Variants in MYOF observed in about 807,000 individuals in gnomAD.
MYOF encodes fer-1-like 3, myoferlin.
MYOF carries 244 observed loss-of-function variants against 284.2 expected under a neutral mutation model. That is an observed-to-expected ratio of 0.86 (90% confidence interval 0.77 to 0.95). The LOEUF is 0.95. Among genes scored for constraint, MYOF ranks in the 40% least tolerant of loss-of-function variants. The probability of loss-of-function intolerance (pLI) is 0.00; values close to 1 mark genes in which losing one functional copy is unlikely to be tolerated. For synonymous variants in MYOF, 904 were observed against 919.7 expected (o/e 0.98, Z 0.31); for missense variants, 2,496 against 2,560.6 (o/e 0.97, Z 0.54).
intron 16 of MYOF, among the ~76,000 whole-genome samples, chr10:93,394,370 G>A (rs1234977027): frequency 6.6e-6 from 1 of 151,070 alleles, no homozygotes; most frequent in Non-Finnish European, 1.5e-5. Flanking sequence ...CCAAAGTGCT[G>A]GGATTACAGG....
intron 1 of MYOF, among the ~76,000 whole-genome samples, chr10:93,458,973 G>A (rs757151264): frequency 1.4e-4 from 21 of 152,338 alleles, no homozygotes; most frequent in African/African-American, 2.6e-4. Flanking sequence ...TAGCAAGGCC[G>A]TGAGTCATGG....
At chr10:93,311,493 C>A (rs972030707) in intron 51 of MYOF, among the ~76,000 whole-genome samples, 2 of 150,446 alleles carry the variant, frequency 1.3e-5, no homozygotes, top group South Asian at 2.1e-4. Context: ...TGGTGGCGTG[C>A]GCCTGTAGTC....
At position 93,374,897 on chromosome 10, in the gene MYOF, G is replaced by A. The variant is rs780482700; in HGVS notation, c.2167C>T (p.Arg723Ter). ...GAGAGAGACCTGGACCGCAGCTTTC[G>A]GATCTGAGTATCGAGAACTGTGACG... The part of the protein sequence containing the change: ...ANVTVLDTQI[R>*]KLRSRSLSQI... The change falls in exon 23 of 54, where the codon CGA becomes TGA. Residue 723 changes from arginine to a stop codon, truncating the protein, a stop_gained. Coordinates refer to ENST00000359263, the MANE Select transcript of MYOF (RefSeq NM_013451.4). LOFTEE classifies it high-confidence loss of function. The A allele has an allele frequency of 4.3e-6, 7 of 1,613,982 alleles. No individual in the cohort carries two copies. The highest frequency in any genetic ancestry group is 4.5e-5 in the East Asian group (2 of 44,900).
At chr10:93,358,047 C>G (rs540490235) in intron 29 of MYOF, among the ~76,000 whole-genome samples, 1 of 152,278 alleles carries the variant, frequency 6.6e-6, no homozygotes, top group Admixed American at 6.5e-5. Flanking sequence ...TTTTTGCAAT[C>G]TATCCATCTG....
At chr10:93,348,792 A>C (rs982887472) in intron 36 of MYOF, among the ~76,000 whole-genome samples, 2 of 152,168 alleles carry the variant, frequency 1.3e-5, no homozygotes, top group African/African-American at 4.8e-5. Flanking sequence ...CAAGGTGGGC[A>C]TAAGAGAGGT....
chr10:93,351,718 C>CT lies in MYOF; in HGVS notation c.3609dup (p.Val1204SerfsTer14). On this transcript the variant is annotated frameshift_variant, in exon 33 of 54. Transcript: ENST00000359263. LOFTEE classifies it high-confidence loss of function. ...ATAACTTTGGGTGGATTCTGTAGAA[C>CT]TGTTTGGGGTTCCCCATAGATTTCA... 6.3e-7 allele frequency: 1 copy of CT among 1,599,576 alleles called. No individual in the cohort carries two copies. Among genetic ancestry groups the CT allele is most frequent in the Non-Finnish European group, 8.5e-7 (1 of 1,175,818 alleles).
chr10:93,382,894 A>T (rs1005743147), intron 19 of MYOF, among the ~76,000 whole-genome samples: 5 of 152,096 alleles, frequency 3.3e-5, no homozygotes, highest in African/African-American at 1.2e-4. Context: ...CCAGAAGTGG[A>T]ATTTTTAATT....
At chr10:93,357,262 GC>G (rs541846537) in intron 29 of MYOF, among the ~76,000 whole-genome samples, 3 of 152,150 alleles carry the variant, frequency 2.0e-5, no homozygotes, top group Non-Finnish European at 4.4e-5. Context: ...AAAATTAAAT[GC>G]CCCCTCCCAG....
intron 41 of MYOF, among the ~76,000 whole-genome samples, chr10:93,335,347 C>T (rs1843546472): frequency 1.3e-5 from 2 of 152,118 alleles, no homozygotes; most frequent in African/African-American, 4.8e-5. Flanking sequence ...GAAAGACTGG[C>T]TCTGCCTTTG....
chr10:93,339,668 C>T (rs908369878), intron 39 of MYOF, among the ~76,000 whole-genome samples: 1 of 151,916 alleles, frequency 6.6e-6, no homozygotes, highest in Non-Finnish European at 1.5e-5. Flanking sequence ...CAGGGTTTTG[C>T]ATGTTGGCCA....
intron 11 of MYOF, 22 bp from the exon 12 acceptor site, chr10:93,401,566 AAT>A: frequency 6.2e-7 from 1 of 1,611,788 alleles, no homozygotes; most frequent in Middle Eastern, 1.7e-4. Flanking sequence ...ACATGATTTA[AAT>A]TATACATACA....
At position 93,363,977 on chromosome 10, in the gene MYOF, T is replaced by TC. The variant is rs1845202611; in HGVS notation, c.2851dup (p.Asp951GlyfsTer10). 1.2e-6 allele frequency: 2 copies of TC among 1,614,158 alleles called. No homozygotes were observed. Among genetic ancestry groups the TC allele is most frequent in the Non-Finnish European group, 1.7e-6 (2 of 1,180,014 alleles). Reference sequence around the variant, plus strand: ...GCCACTCACCGCATCCGTGTAGGTGTCCTCGGCCGGCTTCCAGTCGCCCCC... The same window carrying TC: ...GCCACTCACCGCATCCGTGTAGGTGTCCCTCGGCCGGCTTCCAGTCGCCCCC... On this transcript the variant is annotated frameshift_variant, in exon 27 of 54. Transcript: ENST00000359263. LOFTEE classifies it high-confidence loss of function.
At chr10:93,392,098 G>A (rs1846720825) in intron 17 of MYOF, among the ~76,000 whole-genome samples, 1 of 152,144 alleles carries the variant, frequency 6.6e-6, no homozygotes, top group African/African-American at 2.4e-5. Context: ...CAAATCTAAG[G>A]ACTACTTAAT....
Position 93,404,321 on chromosome 10 carries a change from C to A in MYOF, c.730-102G>T. On this transcript the variant is annotated intron_variant, in intron 7 of 53. Coordinates refer to ENST00000359263, the MANE Select transcript of MYOF (RefSeq NM_013451.4). ...GGGCCCTCCTAAAAAATGCAAAACA[C>A]AAATTCAAAATTAGGTTTGACCATG... 4 of 1,225,128 alleles carry A rather than the reference C, an allele frequency of 3.3e-6. No individual in the cohort carries two copies. The South Asian group carries it at 5.3e-5, about 16-fold the overall frequency. 75.9% of individuals were successfully genotyped at this position (1,225,128 alleles called of 1,614,324 possible). A position where few individuals can be genotyped will look rare whatever the true frequency, so the allele number is the denominator to read the frequency against.
At chr10:93,392,663 G>T (rs752976287) in intron 17 of MYOF, among the ~76,000 whole-genome samples, 13 of 152,056 alleles carry the variant, frequency 8.5e-5, no homozygotes, top group Non-Finnish European at 1.9e-4. Flanking sequence ...TCAATTATTT[G>T]CAATAAAGCC....
chr10:93,378,715 A>G (rs1310978078), intron 21 of MYOF, among the ~76,000 whole-genome samples: 13 of 137,214 alleles, frequency 9.5e-5, no homozygotes, highest in African/African-American at 3.0e-4. Flanking sequence ...ATATATATAT[A>G]TGTATATATT....
At position 93,306,636 on chromosome 10, in the gene MYOF, T is replaced by C. The variant is rs1842109928; in HGVS notation, c.*327A>G. 1 of 278,472 alleles carries C rather than the reference T, an allele frequency of 3.6e-6. No homozygotes were observed. Among genetic ancestry groups the C allele is most frequent in the Non-Finnish European group, 6.6e-6 (1 of 150,976 alleles). 17.3% of individuals were successfully genotyped at this position (278,472 alleles called of 1,614,324 possible). On this transcript the variant is annotated 3_prime_UTR_variant, in exon 54 of 54. Coordinates refer to ENST00000359263, the MANE Select transcript of MYOF (RefSeq NM_013451.4). ...GAGATTTTTGAATTCTATTTAGCAA[T>C]TTCCAAAAGCTGAAGTCTAGAACCG...
chr10:93,350,056 C>T (rs937706882), intron 35 of MYOF, 87 bp from the exon 36 acceptor site: 6 of 1,299,496 alleles, frequency 4.6e-6, no homozygotes, highest in Non-Finnish European at 6.4e-6. Flanking sequence ...TAATTACTGG[C>T]AAAGTCTTTA....
chr10:93,315,033 AGAGT>A (rs1263456614), intron 50 of MYOF, among the ~76,000 whole-genome samples: 1 of 152,180 alleles, frequency 6.6e-6, no homozygotes, highest in African/African-American at 2.4e-5. Flanking sequence ...CCTGGGTGAG[AGAGT>A]GAGACTCTGT....
Sources: gnomAD v4.1 joint callset for allele counts (sites outside exome capture counted in the v4.1 genomes callset) on GRCh38, gnomAD v4.1.1 for gene constraint, MANE v1.5 for transcripts, NCBI Gene and HGNC (gene_info 2026-07-23, HGNC 2026-07-21) for gene names.